The following FRMD4A variants were observed in gnomAD, a reference collection of about 807,000 sequenced individuals.
FRMD4A encodes FERM domain-containing protein 4A.
In FRMD4A, 29 loss-of-function variants were observed where a neutral mutation model predicts 129.1. That is an observed-to-expected ratio of 0.22 (90% CI 0.17 to 0.31). The LOEUF (loss-of-function observed/expected upper bound fraction) is 0.31, where lower values mean the gene tolerates loss of function less well. Among genes scored for constraint, FRMD4A ranks in the 10% least tolerant of loss-of-function variants. The pLI is 1.00. For synonymous variants in FRMD4A, 634 were observed against 571.6 expected, an observed-to-expected ratio of 1.11 and a Z score of -1.56; for missense variants, 1,272 against 1,375.8, an observed-to-expected ratio of 0.92 and a Z score of 1.19.
chr10:13,652,680 C>T (rs944174045), intron 23 of FRMD4A, among the ~76,000 whole-genome samples: 19 of 152,186 alleles, frequency 1.2e-4, no homozygotes, highest in African/African-American at 4.1e-4. Context: ...CACAGGAACA[C>T]CGAGCTGGGG....
chr10:13,686,849 TC>T (rs1298896009), intron 15 of FRMD4A, among the ~76,000 whole-genome samples: 3 of 152,144 alleles, frequency 2.0e-5, no homozygotes, highest in African/African-American at 7.2e-5. Context: ...AATGCTGCAG[TC>T]CCATTTATTC....
chr10:13,653,928 T>G (rs145005334), intron 23 of FRMD4A: 17 of 189,298 alleles, frequency 9.0e-5, no homozygotes, highest in Admixed American at 8.3e-4. Context: ...CTGATCTCTT[T>G]TGTGTGTTGA....
chr10:13,975,241 C>A (rs1198850916), intron 2 of FRMD4A, among the ~76,000 whole-genome samples: 1 of 149,756 alleles, frequency 6.7e-6, no homozygotes, highest in Non-Finnish European at 1.5e-5. Flanking sequence ...GTGTGTGTGC[C>A]TATCTCTGAG....
chr10:14,178,307 G>T (rs1183731357), intron 2 of FRMD4A, among the ~76,000 whole-genome samples: 2 of 152,128 alleles, frequency 1.3e-5, no homozygotes, highest in African/African-American at 4.8e-5. Context: ...TAGACTATTA[G>T]GCTATTACAT....
intron 2 of FRMD4A, among the ~76,000 whole-genome samples, chr10:13,993,124 G>A (rs1421001841): frequency 6.6e-6 from 1 of 152,190 alleles, no homozygotes; most frequent in African/African-American, 2.4e-5. Flanking sequence ...AAGAGACAGT[G>A]AGGACATCCT....
chr10:13,826,318 C>T (rs1233009631), intron 3 of FRMD4A, among the ~76,000 whole-genome samples: 1 of 152,142 alleles, frequency 6.6e-6, no homozygotes, highest in Non-Finnish European at 1.5e-5. Context: ...CATCACTACA[C>T]GGTGAGGGGA....
intron 2 of FRMD4A, among the ~76,000 whole-genome samples, chr10:13,875,822 G>A (rs2094483475): frequency 6.6e-6 from 1 of 152,158 alleles, no homozygotes; most frequent in South Asian, 2.1e-4. Context: ...AGATACTTGT[G>A]AGGCAAAAGG....
intron 16 of FRMD4A, 136 bp downstream of exon 16, chr10:13,674,775 A>C: frequency 1.0e-6 from 1 of 975,014 alleles, no homozygotes; most frequent in Non-Finnish European, 1.6e-6. Flanking sequence ...CCCTCTTTTT[A>C]TCACTACCCT....
At chr10:13,991,680 A>G (rs1250492796) in intron 2 of FRMD4A, 1 of 152,672 alleles carries the variant, frequency 6.5e-6, no homozygotes, top group East Asian at 1.9e-4. Flanking sequence ...TTCTGCCAAG[A>G]GAAGGGAAGT....
intron 14 of FRMD4A, among the ~76,000 whole-genome samples, chr10:13,697,279 C>A (rs1295950042): frequency 6.6e-6 from 1 of 152,034 alleles, no homozygotes; most frequent in Non-Finnish European, 1.5e-5. Context: ...CCCTCAGCCT[C>A]CTGAGTAGCT....
intron 2 of FRMD4A, among the ~76,000 whole-genome samples, chr10:13,891,990 G>A (rs2094704230): frequency 1.3e-5 from 2 of 149,374 alleles, no homozygotes; most frequent in Admixed American, 1.3e-4. Context: ...CGCCGCCACC[G>A]CCCGCCGCCC....
chr10:13,768,092 G>GTA (rs10669095), intron 6 of FRMD4A, among the ~76,000 whole-genome samples: 47 of 152,028 alleles, frequency 3.1e-4, no homozygotes, highest in African/African-American at 1.1e-3. Context: ...GTGTGTGTGT[G>GTA]TGTGTGTGTG....
chr10:14,158,788 G>T (rs1300411184), intron 2 of FRMD4A, among the ~76,000 whole-genome samples: 2 of 148,610 alleles, frequency 1.3e-5, no homozygotes, highest in African/African-American at 5.0e-5. Flanking sequence ...AAGAGGAGCA[G>T]GAGGAAGAAG....
At chr10:13,666,606 G>C (rs992908066) in intron 17 of FRMD4A, among the ~76,000 whole-genome samples, 1 of 152,160 alleles carries the variant, frequency 6.6e-6, no homozygotes, top group African/African-American at 2.4e-5. Context: ...GCTGTGTTTC[G>C]ACTGTCTCCA....
rs559445684 is a variant in FRMD4A at position 14,259,048 on chromosome 10, G to C, written c.45+71010C>G. On this transcript the variant is annotated intron_variant, in intron 2 of 24. Coordinates refer to ENST00000357447, the MANE Select transcript of FRMD4A (RefSeq NM_018027.5). ...AAAGGGGGCAAAAGGAAATTTCTTGGAACAAGGGATATGTTCACTTTTATT... is the reference window on the plus strand; with the variant it reads ...AAAGGGGGCAAAAGGAAATTTCTTGCAACAAGGGATATGTTCACTTTTATT... Among the ~76,000 whole-genome samples the C allele has an allele frequency of 3.9e-5, 6 of 152,200 alleles. No homozygotes were observed. In the South Asian group the frequency reaches 1.2e-3, roughly 32 times the overall value.
At chr10:13,902,452 T>C (rs1390089905) in intron 2 of FRMD4A, among the ~76,000 whole-genome samples, 3 of 66,904 alleles carry the variant, frequency 4.5e-5, no homozygotes, top group Non-Finnish European at 9.3e-5. Context: ...TTAGGCAAAA[T>C]ACTGGAGAGA....
chr10:13,757,851 C>T (rs1164680164), intron 8 of FRMD4A, among the ~76,000 whole-genome samples: 1 of 152,236 alleles, frequency 6.6e-6, no homozygotes, highest in Non-Finnish European at 1.5e-5. Flanking sequence ...TCAAGCAATT[C>T]TCCTGCCTCA....
intron 22 of FRMD4A, 25 bp downstream of exon 22, chr10:13,656,611 C>G (rs2082171282): frequency 7.3e-7 from 1 of 1,378,414 alleles, no homozygotes; most frequent in Admixed American, 2.8e-5. Context: ...GGTCTTCCCG[C>G]GTGCACCTGG....
chr10:14,264,306 T>C (rs998470449), intron 2 of FRMD4A, among the ~76,000 whole-genome samples: 1 of 152,192 alleles, frequency 6.6e-6, no homozygotes, highest in African/African-American at 2.4e-5. Context: ...AGGTTCCCCA[T>C]TGATACAAGC....
Sources: gnomAD v4.1 joint callset for allele counts (sites outside exome capture counted in the v4.1 genomes callset) on GRCh38, gnomAD v4.1.1 for gene constraint, MANE v1.5 for transcripts, NCBI Gene and HGNC (gene_info 2026-07-23, HGNC 2026-07-21) for gene names.